Variants in PLPPR1 observed in about 807,000 individuals in gnomAD.
The protein encoded by PLPPR1 is phospholipid phosphatase-related protein type 1.
A neutral mutation model predicts 33.1 loss-of-function variants in PLPPR1; 10 were observed. The observed-to-expected ratio is 0.30, with a 90% confidence interval of 0.19 to 0.51. PLPPR1 has a LOEUF of 0.51. Ranked by LOEUF, PLPPR1 falls within the 20% of genes least tolerant of loss-of-function variation. PLPPR1 has a pLI of 0.97. For missense variants in PLPPR1, 304 were observed against 408.1 expected (o/e 0.74, Z 2.20); for synonymous variants, 151 against 151.0 (o/e 1.00, Z 0.00).
intron 2 of PLPPR1, among the ~76,000 whole-genome samples, chr9:101,225,764 A>G (rs910763404): frequency 6.7e-5 from 8 of 119,268 alleles, no homozygotes. Context: ...CTATGTAACC[A>G]AGAAATATAA....
chr9:101,145,522 C>T (rs909734888), intron 1 of PLPPR1, among the ~76,000 whole-genome samples: 4 of 151,952 alleles, frequency 2.6e-5, no homozygotes, highest in Non-Finnish European at 4.4e-5. Context: ...GCTGGGATTC[C>T]AAGCACCTGC....
intron 4 of PLPPR1, among the ~76,000 whole-genome samples, chr9:101,305,777 C>T (rs1828849539): frequency 6.6e-6 from 1 of 152,096 alleles, no homozygotes; most frequent in Non-Finnish European, 1.5e-5. Flanking sequence ...GTTTCTACTA[C>T]ATTCTTGGTG....
intron 2 of PLPPR1, among the ~76,000 whole-genome samples, chr9:101,196,011 G>A (rs945613748): frequency 3.9e-5 from 6 of 152,222 alleles, no homozygotes; most frequent in Non-Finnish European, 8.8e-5. Context: ...GTCTAATGCA[G>A]TGTATTATTT....
chr9:101,128,456 T>C (rs372458963), intron 1 of PLPPR1, among the ~76,000 whole-genome samples: 9 of 152,356 alleles, frequency 5.9e-5, no homozygotes, highest in African/African-American at 2.2e-4. Context: ...TGAACCAATC[T>C]ATGGCAGGCA....
At position 101,069,254 on chromosome 9, in the gene PLPPR1, C is replaced by A. The variant is rs528410417; in HGVS notation, c.-46+40152C>A. Among the ~76,000 whole-genome samples, 230 of 152,088 alleles carry A rather than the reference C, an allele frequency of 1.5e-3. 2 individuals carry two copies. The highest frequency in any genetic ancestry group is 2.8e-3 in the Non-Finnish European group (191 of 67,986). ...CTTTTTAAATCCTGTAATAGAGCAA[C>A]AACCAACATGTTAGATATAATGATT... is the stretch of plus-strand genomic sequence containing the variant. On this transcript the variant is annotated intron_variant, in intron 1 of 7. Coordinates refer to ENST00000374874, the MANE Select transcript of PLPPR1 (RefSeq NM_207299.2).
chr9:101,140,988 G>A (rs1047510880), intron 1 of PLPPR1, among the ~76,000 whole-genome samples: 2 of 152,252 alleles, frequency 1.3e-5, no homozygotes, highest in East Asian at 1.9e-4. Context: ...TGATGATGAC[G>A]CCTAGCAGGA....
intron 2 of PLPPR1, among the ~76,000 whole-genome samples, chr9:101,217,228 A>G (rs1826817333): frequency 6.6e-6 from 1 of 152,186 alleles, no homozygotes; most frequent in South Asian, 2.1e-4. Flanking sequence ...ATCACATTAA[A>G]AAAAATCACT....
At chr9:101,315,575 A>G (rs16920139) in intron 6 of PLPPR1, among the ~76,000 whole-genome samples, 5,501 of 152,296 alleles carry the variant, frequency 0.036, 341 homozygotes, top group African/African-American at 0.12. Context: ...GTAACTACTC[A>G]GTCTGCTAGT....
At chr9:101,221,409 C>T (rs1279603106) in intron 2 of PLPPR1, among the ~76,000 whole-genome samples, 1 of 152,218 alleles carries the variant, frequency 6.6e-6, no homozygotes, top group African/African-American at 2.4e-5. Flanking sequence ...TCCTACCCTG[C>T]TCTTTGGAGA....
intron 4 of PLPPR1, among the ~76,000 whole-genome samples, chr9:101,305,384 G>T (rs1828839976): frequency 6.6e-6 from 1 of 152,156 alleles, no homozygotes; most frequent in Non-Finnish European, 1.5e-5. Context: ...CGTCATGTAT[G>T]ATTTTAGTGG....
At chr9:101,179,996 G>A (rs556444303) in intron 1 of PLPPR1, among the ~76,000 whole-genome samples, 1 of 150,626 alleles carries the variant, frequency 6.6e-6, no homozygotes, top group East Asian at 2.0e-4. Flanking sequence ...AAGTTCTTCA[G>A]TTTTGGAACT....
chr9:101,096,604 A>G (rs1413962563), intron 1 of PLPPR1, among the ~76,000 whole-genome samples: 2 of 152,224 alleles, frequency 1.3e-5, no homozygotes, highest in Non-Finnish European at 2.9e-5. Flanking sequence ...TAACATTTAA[A>G]TGAGCGTTGT....
At chr9:101,147,059 A>G (rs900446215) in intron 1 of PLPPR1, among the ~76,000 whole-genome samples, 33 of 152,114 alleles carry the variant, frequency 2.2e-4, no homozygotes, top group African/African-American at 7.2e-4. Context: ...CTAAACAGAA[A>G]CTATATGTGC....
chr9:101,155,632 T>C (rs1333149246), intron 1 of PLPPR1, among the ~76,000 whole-genome samples: 9 of 151,256 alleles, frequency 6.0e-5, no homozygotes, highest in Middle Eastern at 3.4e-3. Flanking sequence ...GGAGTTTTGC[T>C]CTTGTTGCCC....
At chr9:101,235,576 A>AT (rs1564010275) in intron 2 of PLPPR1, among the ~76,000 whole-genome samples, 1 of 151,746 alleles carries the variant, frequency 6.6e-6, no homozygotes, top group African/African-American at 2.4e-5. Context: ...TGACATGTGA[A>AT]TTTTTTCCAA....
intron 1 of PLPPR1, among the ~76,000 whole-genome samples, chr9:101,039,589 A>G (rs895339482): frequency 1.3e-5 from 2 of 152,138 alleles, no homozygotes; most frequent in African/African-American, 4.8e-5. Context: ...CATACCTGAG[A>G]CTGGGCAATT....
intron 1 of PLPPR1, chr9:101,125,696 C>T (rs55968932): frequency 1.6e-5 from 10 of 630,122 alleles, no homozygotes; most frequent in Admixed American, 1.4e-4. Context: ...TGTAACATTA[C>T]AGGCCCCATA....
At chr9:101,080,600 T>C (rs1443306072) in intron 1 of PLPPR1, among the ~76,000 whole-genome samples, 1 of 152,020 alleles carries the variant, frequency 6.6e-6, no homozygotes, top group African/African-American at 2.4e-5. Flanking sequence ...ACAACAAAAA[T>C]ACTGATATCA....
intron 1 of PLPPR1, among the ~76,000 whole-genome samples, chr9:101,114,293 G>C (rs748687397): frequency 7.9e-5 from 12 of 152,162 alleles, no homozygotes; most frequent in Non-Finnish European, 1.5e-4. Context: ...AGCAGCCTAA[G>C]ACCCAGACAG....
Sources: allele counts gnomAD v4.1 joint callset (sites outside exome capture counted in the v4.1 genomes callset), GRCh38; gene constraint gnomAD v4.1.1; transcripts MANE v1.5; gene names NCBI Gene and HGNC (gene_info 2026-07-23, HGNC 2026-07-21).